PHF20: variants seen among roughly 807,000 people sequenced by gnomAD.
The protein encoded by PHF20 is PHD finger protein 20, also known as glioma-expressed antigen 2.
PHF20 carries 23 observed loss-of-function variants against 113.5 expected under a neutral mutation model. The observed-to-expected ratio is 0.20, with a 90% CI of 0.15 to 0.29. The LOEUF is 0.29. Among genes scored for constraint, PHF20 ranks in the 10% least tolerant of loss-of-function variants. The pLI is 1.00. For missense variants in PHF20, 943 were observed against 1,219.6 expected, an observed-to-expected ratio of 0.77 and a Z score of 3.38; for synonymous variants, 434 against 457.3, an observed-to-expected ratio of 0.95 and a Z score of 0.65.
intron 10 of PHF20, among the ~76,000 whole-genome samples, chr20:35,902,272 T>C (rs2055112280): frequency 6.6e-6 from 1 of 152,050 alleles, no homozygotes; most frequent in African/African-American, 2.4e-5. Flanking sequence ...CATTGAGGTG[T>C]CAGGAGCCAG....
At chr20:35,827,521 A>C (rs2042281407) in intron 2 of PHF20, among the ~76,000 whole-genome samples, 1 of 152,178 alleles carries the variant, frequency 6.6e-6, no homozygotes, top group South Asian at 2.1e-4. Context: ...GCGGTGGCTC[A>C]CGCCTGTAAT....
At chr20:35,895,918 G>T (rs938242547) in intron 9 of PHF20, among the ~76,000 whole-genome samples, 1 of 151,934 alleles carries the variant, frequency 6.6e-6, no homozygotes, top group Non-Finnish European at 1.5e-5. Context: ...AATTCCCGAC[G>T]TCATATGATC....
At chr20:35,814,658 G>A (rs1435861680) in intron 2 of PHF20, among the ~76,000 whole-genome samples, 1 of 149,748 alleles carries the variant, frequency 6.7e-6, no homozygotes, top group African/African-American at 2.4e-5. Flanking sequence ...TGGATCACGA[G>A]GTCAGGAGAT....
At chr20:35,914,316 A>G (rs892463970) in intron 12 of PHF20, 119 bp downstream of exon 12, 3 of 988,750 alleles carry the variant, frequency 3.0e-6, no homozygotes, top group South Asian at 3.4e-5. Flanking sequence ...AAAGCTAGTC[A>G]GACATAATTT....
chr20:35,806,812 T>C, intron 2 of PHF20, among the ~76,000 whole-genome samples: 1 of 148,930 alleles, frequency 6.7e-6, no homozygotes, highest in Non-Finnish European at 1.5e-5. Flanking sequence ...TTTTTTTTTT[T>C]TGAGACGGAA....
intron 2 of PHF20, among the ~76,000 whole-genome samples, chr20:35,823,420 A>G (rs2146905791): frequency 6.8e-6 from 1 of 146,464 alleles, no homozygotes; most frequent in Non-Finnish European, 1.5e-5. Context: ...AAGCAACATA[A>G]TGGGACTTCG....
intron 2 of PHF20, among the ~76,000 whole-genome samples, chr20:35,832,697 G>A (rs187537456): frequency 1.3e-3 from 194 of 152,266 alleles, no homozygotes; most frequent in African/African-American, 4.4e-3. Context: ...AAAGTCTACT[G>A]TGTGTTGTAA....
At chr20:35,811,609 A>T (rs2041979300) in intron 2 of PHF20, among the ~76,000 whole-genome samples, 1 of 151,250 alleles carries the variant, frequency 6.6e-6, no homozygotes, top group African/African-American at 2.4e-5. Flanking sequence ...CGCTCAGCTA[A>T]TTTTTTTTGT....
At position 35,863,319 on chromosome 20, in the gene PHF20, A is replaced by T. The variant is rs1338086929; in HGVS notation, c.727A>T (p.Asn243Tyr). ...GDAQVDKKPE[N>Y]DIVKSPQENL... ...TGCCCAAGTGGATAAGAAACCTGAA[A>T]ATGACATTGTGAAGAGTCCACAAGA... Residue 243 changes from asparagine to tyrosine, a missense_variant, in exon 6 of 18, where the codon AAT becomes TAT. Physicochemically the swap from Asn to Tyr is moderately radical, Grantham distance 143 (BLOSUM62 -2). Transcript: ENST00000374012. 6.2e-7 allele frequency: 1 copy of T among 1,614,074 alleles called. No homozygotes were observed. Among genetic ancestry groups the T allele is most frequent in the Admixed American group, 1.7e-5 (1 of 59,980 alleles).
intron 9 of PHF20, among the ~76,000 whole-genome samples, chr20:35,882,160 G>A (rs1394320199): frequency 1.3e-5 from 2 of 152,264 alleles, no homozygotes; most frequent in African/African-American, 4.8e-5. Flanking sequence ...ACCCATAATG[G>A]TTTTGATTAA....
At chr20:35,786,745 G>C (rs1398803342) in intron 1 of PHF20, among the ~76,000 whole-genome samples, 1 of 152,176 alleles carries the variant, frequency 6.6e-6, no homozygotes, top group Non-Finnish European at 1.5e-5. Context: ...AGAGAGTGTA[G>C]AGTATTGATA....
intron 14 of PHF20, among the ~76,000 whole-genome samples, chr20:35,929,368 C>G (rs943519542): frequency 6.6e-5 from 10 of 152,238 alleles, no homozygotes; most frequent in African/African-American, 2.4e-4. Flanking sequence ...GCATCTGCCT[C>G]CACTTGTCCC....
At position 35,899,372 on chromosome 20, in the gene PHF20, A is replaced by G. The variant is rs764998026; in HGVS notation, c.1285A>G (p.Thr429Ala). 1.2e-6 allele frequency: 2 copies of G among 1,600,328 alleles called. No individual in the cohort carries two copies. The highest frequency in any genetic ancestry group is 1.7e-6 in the Non-Finnish European group (2 of 1,172,610). Residue 429 changes from threonine (T) to alanine (A), a missense_variant and splice_region_variant, in exon 10 of 18, where the codon ACA (threonine) becomes GCA (alanine). This residue lies in a region of PHF20 where 592 missense variants were observed against 787.2 expected (regional missense o/e 0.75). Transcript: ENST00000374012. ...ELQEISTVEV[T>A]NTFKKTDDFG... ...GCTTTTGTTTTTATTTTTTTCAGTA[A>G]CAAATACTTTTAAGAAAACAGATGA...
intron 9 of PHF20, among the ~76,000 whole-genome samples, chr20:35,893,787 T>A (rs922949378): frequency 6.6e-6 from 1 of 152,038 alleles, no homozygotes; most frequent in African/African-American, 2.4e-5. Flanking sequence ...GCTAATTTTT[T>A]GTATTTTTAG....
At chr20:35,827,615 A>G (rs945339538) in intron 2 of PHF20, among the ~76,000 whole-genome samples, 1 of 151,930 alleles carries the variant, frequency 6.6e-6, no homozygotes, top group Non-Finnish European at 1.5e-5. Context: ...AAACCCTGTC[A>G]CTATTAAAAA....
rs1407887865 is a variant in PHF20 at position 35,931,167 on chromosome 20, G to C, written c.2105-82G>C. The C allele has an allele frequency of 4.4e-6, 4 of 909,292 alleles. No homozygotes were observed. The East Asian group carries it at 9.7e-5, about 22-fold the overall frequency. 56.3% of individuals were successfully genotyped at this position (909,292 alleles called of 1,614,324 possible). The stretch of plus-strand genomic sequence containing the variant: ...TACTAATCTGTTCTTCCAGTAGTTG[G>C]TATGATAATTGTGTGAGAGTGATGA... On this transcript the variant is annotated intron_variant, in intron 14 of 17. Coordinates refer to ENST00000374012, the MANE Select transcript of PHF20 (RefSeq NM_016436.5).
chr20:35,794,760 C>A (rs903853843), intron 1 of PHF20, among the ~76,000 whole-genome samples: 1 of 152,152 alleles, frequency 6.6e-6, no homozygotes, highest in Admixed American at 6.6e-5. Context: ...ACTTTTAATT[C>A]TTTGTTGTCC....
intron 9 of PHF20, among the ~76,000 whole-genome samples, chr20:35,874,231 T>C (rs2054477544): frequency 6.6e-6 from 1 of 152,214 alleles, no homozygotes; most frequent in Non-Finnish European, 1.5e-5. Flanking sequence ...CCGCCTTGAC[T>C]TCCCAAAGTA....
At position 35,863,798 on chromosome 20, in the gene PHF20, T is replaced by C. The variant is rs2054262813; in HGVS notation, c.808+398T>C. ...TGAAAGAAAAGTAATAGTAAAAAGG[T>C]ATGGGCTTCTGAAGGAGATGGGGAC... On this transcript the variant is annotated intron_variant, in intron 6 of 17. Coordinates refer to ENST00000374012, the MANE Select transcript of PHF20 (RefSeq NM_016436.5). Among the ~76,000 whole-genome samples, 3 of 152,028 alleles carry C rather than the reference T, an allele frequency of 2.0e-5. No homozygotes were observed. The South Asian group carries it at 6.2e-4, about 32-fold the overall frequency.
Sources: gnomAD v4.1 joint callset for allele counts (sites outside exome capture counted in the v4.1 genomes callset) on GRCh38, gnomAD v4.1.1 for gene constraint, gnomAD v4.1.1 regional missense constraint, MANE v1.5 for transcripts, NCBI Gene and HGNC (gene_info 2026-07-23, HGNC 2026-07-21) for gene names.